HYKK: variants seen among roughly 807,000 people sequenced by gnomAD.
HYKK encodes the protein hydroxylysine kinase, also known as 5-hydroxy-L-lysine kinase.
HYKK carries 19 observed loss-of-function variants against 29.7 expected under a neutral mutation model. The ratio of observed to expected loss-of-function variants is 0.64; its 90% CI spans 0.45 to 0.94. HYKK has a LOEUF of 0.94. Ranked by LOEUF, HYKK falls within the 40% of genes least tolerant of loss-of-function variation. The pLI, the probability that HYKK is intolerant of heterozygous loss-of-function variation, is 0.00. For missense variants in HYKK, 390 were observed against 443.4 expected (o/e 0.88, Z 1.08); for synonymous variants, 152 against 158.1 (o/e 0.96, Z 0.29).
At chr15:78,522,168 A>G (rs879915546) in intron 3 of HYKK, among the ~76,000 whole-genome samples, 4 of 152,148 alleles carry the variant, frequency 2.6e-5, no homozygotes, top group Non-Finnish European at 5.9e-5. Flanking sequence ...TTCAAACAGT[A>G]CTGAAAGGTA....
At chr15:78,533,133 T>C (rs941039873) in intron 4 of HYKK, 77 bp from the exon 5 acceptor site, 10 of 886,774 alleles carry the variant, frequency 1.1e-5, no homozygotes, top group Middle Eastern at 2.8e-4. Flanking sequence ...ATTATGGCTT[T>C]GCCTATGAAA....
At chr15:78,537,117 G>A (rs78386255), downstream of HYKK, among the ~76,000 whole-genome samples, 818 of 152,134 alleles carry the variant, frequency 5.4e-3, 5 homozygotes, top group African/African-American at 0.019. Context: ...ACACATAATT[G>A]GCTTCACTGG....
chr15:78,518,592 G>C (rs1481315254), intron 3 of HYKK: 1 of 455,870 alleles, frequency 2.2e-6, no homozygotes, highest in Non-Finnish European at 4.4e-6. Flanking sequence ...TGGCAGGAGG[G>C]TAAGCCCCGC....
In HYKK at chr15:78,527,366, C is replaced by T. The variant is rs541383036; in HGVS notation, c.478-14C>T. On this transcript the variant is annotated splice_polypyrimidine_tract_variant and intron_variant, in intron 3 of 4. Coordinates refer to ENST00000388988, the MANE Select transcript of HYKK (RefSeq NM_001013619.4). ...CTCTGTCAAGAGACTAAGAATATCT[C>T]GCTTTTGATTTAGAGATTCCATCAC... is the stretch of plus-strand genomic sequence containing the variant. 19 of 1,611,334 alleles carry T rather than the reference C, an allele frequency of 1.2e-5. 1 individual carries two copies. Among genetic ancestry groups the T allele is most frequent in the African/African-American group, 4.0e-5 (3 of 74,898 alleles).
rs372264847 is a variant in HYKK, at chr15:78,513,114, C to G, written c.26C>G (p.Ser9Ter). ...ATGTCAAGTGGAAACTATCAGCAGT[C>G]AGAGGCTCTTAGCAAACCCACTTTC... MSSGNYQQ[S>*]EALSKPTFSE... Residue 9 changes from serine (S) to a stop codon, truncating the protein, a stop_gained, in exon 2 of 5, where the codon TCA (serine) becomes TGA (stop). Transcript: ENST00000388988. LOFTEE classifies it high-confidence loss of function. 5.0e-6 allele frequency: 8 copies of G among 1,612,556 alleles called. No homozygotes were observed. Among genetic ancestry groups the G allele is most frequent in the Non-Finnish European group, 6.8e-6 (8 of 1,178,998 alleles).
chr15:78,517,139 T>C (rs2052144487), intron 3 of HYKK, among the ~76,000 whole-genome samples: 1 of 132,854 alleles, frequency 7.5e-6, no homozygotes, highest in Middle Eastern at 5.0e-3. Flanking sequence ...CGAGACAGAG[T>C]TTCTGTCTGT....
In HYKK at chr15:78,535,414, A is replaced by G. The variant is rs1174628794; in HGVS notation, c.*1744A>G. On this transcript the variant is annotated 3_prime_UTR_variant, in exon 5 of 5. Coordinates refer to ENST00000388988, the MANE Select transcript of HYKK (RefSeq NM_001013619.4). ...GCTGGGACTTCAGGCATGTGCCACC[A>G]TGTCTGGCTAATTCTTTAATTTTTT... is the stretch of plus-strand genomic sequence containing the variant. 6.6e-6 allele frequency: 1 copy of G among 151,100 alleles called. No individual in the cohort carries two copies. The highest frequency in any genetic ancestry group is 1.5e-5 in the Non-Finnish European group (1 of 67,894). 9.4% of individuals were successfully genotyped at this position (151,100 alleles called of 1,614,324 possible).
At chr15:78,529,940 C>T (rs967950154) in intron 4 of HYKK, among the ~76,000 whole-genome samples, 2 of 150,164 alleles carry the variant, frequency 1.3e-5, no homozygotes, top group South Asian at 2.1e-4. Flanking sequence ...TGGGCCCAAG[C>T]GATCCTCCCA....
At chr15:78,532,691 GGAGGCT>G (rs1217669178) in intron 4 of HYKK, among the ~76,000 whole-genome samples, 1 of 152,122 alleles carries the variant, frequency 6.6e-6, no homozygotes, top group East Asian at 1.9e-4. Context: ...CAGCTACTCA[GGAGGCT>G]GAGGCAGGAG....
rs765970899 is a variant in HYKK, at chr15:78,533,671, C to T, written c.*1C>T. 2 of 1,597,098 alleles carry T rather than the reference C, an allele frequency of 1.3e-6. No individual in the cohort carries two copies. Among genetic ancestry groups the T allele is most frequent in the South Asian group, 2.2e-5 (2 of 90,680 alleles). ...CTATGAATCTGGGATCTCCATGTGA[C>T]TGAGATCTCCATGTGACTCAAAGTT... On this transcript the variant is annotated 3_prime_UTR_variant, in exon 5 of 5. Transcript: ENST00000388988.
At chr15:78,513,536 T>G in intron 2 of HYKK, 111 bp downstream of exon 2, 2 of 787,564 alleles carry the variant, frequency 2.5e-6, no homozygotes, top group Non-Finnish European at 4.0e-6. Context: ...TAGATGTGGT[T>G]GTTATTATTT....
chr15:78,518,687 GC>G, intron 3 of HYKK: 1 of 427,498 alleles, frequency 2.3e-6, no homozygotes, highest in Non-Finnish European at 4.7e-6. Context: ...GGAGGCCGAG[GC>G]AGGTGGATCA....
chr15:78,529,707 A>AT (rs765447610), intron 4 of HYKK, among the ~76,000 whole-genome samples: 7 of 151,940 alleles, frequency 4.6e-5, no homozygotes, highest in East Asian at 3.8e-4. Context: ...TATTGAAATT[A>AT]TTTTTTTCTC....
intron 3 of HYKK, among the ~76,000 whole-genome samples, chr15:78,516,343 C>CTTTT (rs575124681): frequency 3.4e-5 from 4 of 115,952 alleles, no homozygotes; most frequent in Admixed American, 9.6e-5. Flanking sequence ...AAGGGTTGGT[C>CTTTT]TTTTTTTTTT....
chr15:78,526,699 C>T (rs766075249), intron 3 of HYKK, among the ~76,000 whole-genome samples: 2 of 152,196 alleles, frequency 1.3e-5, no homozygotes, highest in Middle Eastern at 3.2e-3. Flanking sequence ...TTCTTTAGAG[C>T]TGCCTCCAAT....
chr15:78,520,700 C>A (rs939218983), intron 3 of HYKK, among the ~76,000 whole-genome samples: 2 of 152,258 alleles, frequency 1.3e-5, no homozygotes, highest in African/African-American at 4.8e-5. Flanking sequence ...TCCCCCCTTT[C>A]TATTCCACAA....
chr15:78,533,369 T>C lies in HYKK; in HGVS notation c.821T>C (p.Met274Thr), dbSNP rs536609579. Residue 274 changes from methionine (M) to threonine (T), a missense_variant, in exon 5 of 5, where the codon ATG becomes ACG. Transcript: ENST00000388988. ...GTGGCAATTACCATCATGTACATGA[T>C]GATTGAGAGCAAGAGTCCTATACAA... ...FEVAITIMYM[M>T]IESKSPIQVG... The C allele has an allele frequency of 1.8e-5, 29 of 1,614,220 alleles. No individual in the cohort carries two copies. Among genetic ancestry groups the C allele is most frequent in the East Asian group, 1.1e-4 (5 of 44,892 alleles).
intron 4 of HYKK, among the ~76,000 whole-genome samples, chr15:78,531,541 A>C (rs1011572859): frequency 2.0e-5 from 3 of 151,748 alleles, no homozygotes; most frequent in Admixed American, 2.0e-4. Context: ...ATGTATATAA[A>C]ATTTTTTTGA....
chr15:78,518,589 A>C (rs866975266), intron 3 of HYKK: 2 of 455,892 alleles, frequency 4.4e-6, no homozygotes, highest in Admixed American at 4.7e-5. Flanking sequence ...TTCTGGCAGG[A>C]GGGTAAGCCC....
Sources: gnomAD v4.1 joint callset for allele counts (sites outside exome capture counted in the v4.1 genomes callset) on GRCh38, gnomAD v4.1.1 for gene constraint, MANE v1.5 for transcripts, NCBI Gene and HGNC (gene_info 2026-07-23, HGNC 2026-07-21) for gene names.